Variants in DOCK8 observed in about 807,000 individuals in gnomAD.
DOCK8 encodes the protein dedicator of cytokinesis 8.
Under a neutral mutation model 245.6 loss-of-function variants are expected in DOCK8, and 141 were observed. The ratio of observed to expected loss-of-function variants is 0.57; its 90% confidence interval spans 0.50 to 0.66. The LOEUF is 0.66. Among genes scored for constraint, DOCK8 ranks in the 30% least tolerant of loss-of-function variants. DOCK8 has a pLI of 0.00. For synonymous variants in DOCK8, 1,168 were observed against 970.2 expected (o/e 1.20, Z -3.79); for missense variants, 2,965 against 2,603.4 (o/e 1.14, Z -3.02).
intron 13 of DOCK8, 74 bp from the exon 14 acceptor site, chr9:340,085 G>A (rs1368450271): frequency 6.5e-7 from 1 of 1,540,988 alleles, no homozygotes; most frequent in African/African-American, 1.4e-5. Context: ...AAGAAACACA[G>A]TGCAACAATC....
chr9:313,168 A>G (rs1253534639), intron 6 of DOCK8, among the ~76,000 whole-genome samples: 4 of 152,218 alleles, frequency 2.6e-5, no homozygotes, highest in Non-Finnish European at 4.4e-5. Flanking sequence ...ACATGGAAAT[A>G]CTATTGTTGA....
At chr9:354,877 G>A (rs1235709598) in intron 14 of DOCK8, among the ~76,000 whole-genome samples, 2 of 152,142 alleles carry the variant, frequency 1.3e-5, no homozygotes, top group African/African-American at 2.4e-5. Context: ...AATCTCAAGA[G>A]CAGTACCTCA....
Position 433,985 on chromosome 9 carries a change from C to G in DOCK8, c.4886+10C>G, listed in dbSNP as rs1171304089. 1 of 1,593,488 alleles carries G rather than the reference C, an allele frequency of 6.3e-7. No homozygotes were observed. The highest frequency in any genetic ancestry group is 8.6e-7 in the Non-Finnish European group (1 of 1,161,044). On this transcript the variant is annotated intron_variant, in intron 38 of 47. Transcript: ENST00000432829. ...TGGATCTCATGTACAGGTAAGCTTT[C>G]CTGACACACTCAAGGGACACCATTT...
At chr9:223,754 A>T (rs1251135740) in intron 1 of DOCK8, among the ~76,000 whole-genome samples, 1 of 150,826 alleles carries the variant, frequency 6.6e-6, no homozygotes, top group African/African-American at 2.5e-5. Context: ...ACATTTTGTC[A>T]CTTTTGCTTT....
At chr9:282,941 T>C (rs2048654051) in intron 2 of DOCK8, among the ~76,000 whole-genome samples, 1 of 152,232 alleles carries the variant, frequency 6.6e-6, no homozygotes. Context: ...ATTATCACTT[T>C]TATTTACTTA....
At chr9:331,223 G>A (rs193126225) in intron 9 of DOCK8, among the ~76,000 whole-genome samples, 1 of 152,246 alleles carries the variant, frequency 6.6e-6, no homozygotes, top group Non-Finnish European at 1.5e-5. Flanking sequence ...ATAAGTAAAC[G>A]ATTGCTGATT....
chr9:222,498 C>T (rs1310730916), intron 1 of DOCK8, among the ~76,000 whole-genome samples: 4 of 152,166 alleles, frequency 2.6e-5, no homozygotes, highest in Non-Finnish European at 5.9e-5. Context: ...CCTACGAATG[C>T]TCCTTTCCCC....
intron 46 of DOCK8, among the ~76,000 whole-genome samples, chr9:456,044 A>G (rs916650428): frequency 6.6e-6 from 1 of 152,218 alleles, no homozygotes; most frequent in African/African-American, 2.4e-5. Flanking sequence ...ATTCATCTCT[A>G]TGTGCAAACA....
At chr9:339,781 T>C (rs1470884889) in intron 13 of DOCK8, among the ~76,000 whole-genome samples, 2 of 152,236 alleles carry the variant, frequency 1.3e-5, no homozygotes, top group Admixed American at 1.3e-4. Context: ...CCCAGAGTGC[T>C]GAGATGACAG....
Position 386,351 on chromosome 9 carries a change from C to G in DOCK8, c.2799C>G (p.Ser933Arg). ...MSSKIADRNC[S>R]RMSYYCSGSS... ...TTTAGATCGCCGATCGCAACTGCAGCCGAATGTCTTACTATTGCTCTGGCA... is the reference window on the plus strand; with the variant it reads ...TTTAGATCGCCGATCGCAACTGCAGGCGAATGTCTTACTATTGCTCTGGCA... Residue 933 changes from serine to arginine, a missense_variant, in exon 23 of 48, where the codon AGC (serine) becomes AGG (arginine). Physicochemically the swap from Ser to Arg is moderately radical, Grantham distance 110. Transcript: ENST00000432829. 6.2e-7 allele frequency: 1 copy of G among 1,613,872 alleles called. No homozygotes were observed.
intron 5 of DOCK8, among the ~76,000 whole-genome samples, chr9:309,397 G>A (rs536153395): frequency 3.9e-5 from 6 of 152,252 alleles, no homozygotes; most frequent in African/African-American, 1.4e-4. Context: ...GTAGTATGGA[G>A]AAATTGTCCA....
At chr9:428,007 G>C (rs2056562594) in intron 34 of DOCK8, among the ~76,000 whole-genome samples, 1 of 152,202 alleles carries the variant, frequency 6.6e-6, no homozygotes, top group Non-Finnish European at 1.5e-5. Context: ...AGCCCCTGTT[G>C]TACTGGGAAG....
rs142093178 is a variant in DOCK8 at position 421,012 on chromosome 9, C to T, written c.4087C>T (p.Arg1363Trp). ...VLQKSRDVKA[R>W]LEEALLRGEG... ...GCAGAAGTCAAGGGATGTCAAGGCC[C>T]GGCTGGAAGAGGCTTTGCTCCGTGG... Residue 1363 changes from arginine (R) to tryptophan (W), a missense_variant, in exon 32 of 48, where the codon CGG becomes TGG. Transcript: ENST00000432829. 132 of 1,614,058 alleles carry T rather than the reference C, an allele frequency of 8.2e-5. 1 individual carries two copies. The highest frequency in any genetic ancestry group is 4.7e-4 in the South Asian group (43 of 91,078).
At chr9:461,584 C>T (rs903718032) in intron 46 of DOCK8, among the ~76,000 whole-genome samples, 2 of 142,056 alleles carry the variant, frequency 1.4e-5, no homozygotes, top group Admixed American at 7.2e-5. Flanking sequence ...TTCTGTCACC[C>T]AGGCTGGAGT....
At chr9:266,516 T>C (rs1488939533) in intron 1 of DOCK8, among the ~76,000 whole-genome samples, 2 of 152,208 alleles carry the variant, frequency 1.3e-5, no homozygotes, top group Non-Finnish European at 2.9e-5. Context: ...GAGATGCTAA[T>C]ACAGGACTGG....
chr9:403,917 CA>C (rs2055252674), intron 26 of DOCK8, among the ~76,000 whole-genome samples: 33 of 65,068 alleles, frequency 5.1e-4, no homozygotes, highest in African/African-American at 1.6e-3. Context: ...TATATATATA[CA>C]TATATATATA....
chr9:430,554 C>G (rs929814317), intron 36 of DOCK8, among the ~76,000 whole-genome samples: 2 of 150,564 alleles, frequency 1.3e-5, no homozygotes, highest in Non-Finnish European at 3.0e-5. Context: ...GTGGCACACA[C>G]GCCCGTAATC....
At chr9:295,300 A>G (rs897584298) in intron 4 of DOCK8, among the ~76,000 whole-genome samples, 3 of 152,186 alleles carry the variant, frequency 2.0e-5, no homozygotes, top group African/African-American at 7.2e-5. Flanking sequence ...AAGAGGGCTG[A>G]CTACAAAAGG....
In DOCK8 at chr9:439,309, AT is replaced by A. The variant is rs768096900; in HGVS notation, c.5145del (p.Asp1715GlufsTer15). 1 of 1,613,934 alleles carries A rather than the reference AT, an allele frequency of 6.2e-7. No homozygotes were observed. The highest frequency in any genetic ancestry group is 1.1e-5 in the South Asian group (1 of 91,048). On this transcript the variant is annotated frameshift_variant, in exon 40 of 48. Transcript: ENST00000432829. LOFTEE classifies it high-confidence loss of function. The stretch of plus-strand genomic sequence containing the variant: ...GAGGACACCCTGTCACCTGACGAGG[AT>A]GGGGTGTGCGCAGGCCAGTACTTCA... ...VSEDTLSPDE[D>X]GVCAGQYFTE...
Sources: allele counts gnomAD v4.1 joint callset (sites outside exome capture counted in the v4.1 genomes callset), GRCh38; gene constraint gnomAD v4.1.1; transcripts MANE v1.5; gene names NCBI Gene and HGNC (gene_info 2026-07-23, HGNC 2026-07-21).